Variants in TOX observed in about 807,000 individuals in gnomAD.
The protein encoded by TOX is thymocyte selection-associated high mobility group box protein TOX.
A neutral mutation model predicts 53.7 loss-of-function variants in TOX; 11 were observed. The ratio of observed to expected loss-of-function variants is 0.20; its 90% CI spans 0.13 to 0.34. The LOEUF (loss-of-function observed/expected upper bound fraction) is 0.34, where lower values mean the gene tolerates loss of function less well. Ranked by LOEUF, TOX falls within the 10% of genes least tolerant of loss-of-function variation. TOX has a pLI of 1.00. For synonymous variants in TOX, 225 were observed against 245.3 expected, an observed-to-expected ratio of 0.92 and a Z score of 0.77; for missense variants, 570 against 664.6, an observed-to-expected ratio of 0.86 and a Z score of 1.56.
intron 4 of TOX, among the ~76,000 whole-genome samples, chr8:58,843,034 T>G (rs1217026595): frequency 6.6e-6 from 1 of 152,216 alleles, no homozygotes; most frequent in African/African-American, 2.4e-5. Context: ...ATTGTATATC[T>G]GATTGAGTAC....
chr8:58,950,841 AG>A (rs1812610101), intron 2 of TOX, among the ~76,000 whole-genome samples: 1 of 152,112 alleles, frequency 6.6e-6, no homozygotes, highest in African/African-American at 2.4e-5. Context: ...GCGGTGGTGC[AG>A]GCATGGCAAA....
intron 1 of TOX, among the ~76,000 whole-genome samples, chr8:59,035,005 G>A (rs538166668): frequency 5.9e-5 from 9 of 152,234 alleles, no homozygotes; most frequent in South Asian, 4.2e-4. Context: ...GGGAGGAGAC[G>A]CTCTGGAGGT....
chr8:58,935,670 C>T (rs1164697031), intron 3 of TOX, among the ~76,000 whole-genome samples: 2 of 152,032 alleles, frequency 1.3e-5, no homozygotes, highest in East Asian at 1.9e-4. Flanking sequence ...GCACTGATGA[C>T]GTAAACTGTC....
At chr8:58,884,819 C>A (rs1298700586) in intron 3 of TOX, among the ~76,000 whole-genome samples, 1 of 152,222 alleles carries the variant, frequency 6.6e-6, no homozygotes, top group South Asian at 2.1e-4. Flanking sequence ...ATGCTCAGAA[C>A]TTTTATAGTC....
At chr8:58,826,491 C>T (rs900519426) in intron 6 of TOX, among the ~76,000 whole-genome samples, 3 of 152,102 alleles carry the variant, frequency 2.0e-5, no homozygotes, top group African/African-American at 7.2e-5. Flanking sequence ...TCAGTAAAGG[C>T]CAATGGCATG....
chr8:58,841,096 T>G (rs930727074), intron 4 of TOX, among the ~76,000 whole-genome samples: 2 of 152,242 alleles, frequency 1.3e-5, no homozygotes, highest in Non-Finnish European at 2.9e-5. Flanking sequence ...TTACTATTTG[T>G]GGGTGGATGG....
chr8:58,924,007 A>G (rs1366926132), intron 3 of TOX, among the ~76,000 whole-genome samples: 1 of 152,184 alleles, frequency 6.6e-6, no homozygotes, highest in African/African-American at 2.4e-5. Context: ...CAATTTTGGA[A>G]ACTTTTATAT....
chr8:58,849,765 C>A (rs1810778807), intron 4 of TOX, among the ~76,000 whole-genome samples: 1 of 152,168 alleles, frequency 6.6e-6, no homozygotes, highest in African/African-American at 2.4e-5. Flanking sequence ...AAAAATTGAT[C>A]TTTACTATGA....
At chr8:58,965,221 C>T (rs1812872286) in intron 1 of TOX, among the ~76,000 whole-genome samples, 1 of 152,120 alleles carries the variant, frequency 6.6e-6, no homozygotes, top group African/African-American at 2.4e-5. Context: ...TAAATGGCAT[C>T]AACCTAGGAT....
At chr8:58,877,222 G>T (rs1811300540) in intron 3 of TOX, among the ~76,000 whole-genome samples, 1 of 152,052 alleles carries the variant, frequency 6.6e-6, no homozygotes, top group Non-Finnish European at 1.5e-5. Flanking sequence ...TTATAACAGT[G>T]ATGTATCTAG....
intron 3 of TOX, among the ~76,000 whole-genome samples, chr8:58,904,600 A>G (rs1020941434): frequency 2.0e-5 from 3 of 152,018 alleles, no homozygotes; most frequent in Non-Finnish European, 2.9e-5. Flanking sequence ...TAATAGCTAT[A>G]CTCCAGTAAT....
At chr8:59,108,655 A>AAC (rs3084429) in intron 1 of TOX, among the ~76,000 whole-genome samples, 5,949 of 147,492 alleles carry the variant, frequency 0.04, 156 homozygotes, top group African/African-American at 0.072. Flanking sequence ...TCATAAAGGA[A>AAC]ACACACACAC....
chr8:58,944,402 A>C (rs1375191), intron 2 of TOX, among the ~76,000 whole-genome samples: 45,538 of 152,168 alleles, frequency 0.3, 7,183 homozygotes, highest in East Asian at 0.4. Context: ...TTACTATTTC[A>C]AGTCATTTTC....
intron 1 of TOX, among the ~76,000 whole-genome samples, chr8:59,103,716 G>A (rs1297709533): frequency 2.6e-5 from 4 of 152,072 alleles, no homozygotes; most frequent in African/African-American, 4.8e-5. Flanking sequence ...CTTCAAAAAC[G>A]CCAACAGAGA....
At chr8:58,820,640 C>T (rs1054303680) in intron 6 of TOX, among the ~76,000 whole-genome samples, 1 of 152,044 alleles carries the variant, frequency 6.6e-6, no homozygotes, top group African/African-American at 2.4e-5. Context: ...GCCAAGTCTG[C>T]GGGTTATATC....
At chr8:59,018,773 T>C (rs1225726720) in intron 1 of TOX, among the ~76,000 whole-genome samples, 1 of 152,140 alleles carries the variant, frequency 6.6e-6, no homozygotes, top group African/African-American at 2.4e-5. Context: ...AGCAATATAT[T>C]CATAGTTAAT....
At chr8:58,857,739 A>G (rs943885397) in intron 3 of TOX, among the ~76,000 whole-genome samples, 2 of 152,074 alleles carry the variant, frequency 1.3e-5, no homozygotes, top group Non-Finnish European at 2.9e-5. Context: ...ATATTTCAGC[A>G]TATGTTTTCA....
intron 1 of TOX, among the ~76,000 whole-genome samples, chr8:58,991,471 A>T (rs1181941789): frequency 6.6e-6 from 1 of 152,230 alleles, no homozygotes; most frequent in East Asian, 1.9e-4. Context: ...TCCAGGAGGA[A>T]ACTGTTACCT....
chr8:58,991,476 T>C (rs1813445642), intron 1 of TOX, among the ~76,000 whole-genome samples: 1 of 152,222 alleles, frequency 6.6e-6, no homozygotes, highest in African/African-American at 2.4e-5. Context: ...GAGGAAACTG[T>C]TACCTAGAAC....
Sources: gnomAD v4.1 joint callset for allele counts (sites outside exome capture counted in the v4.1 genomes callset) on GRCh38, gnomAD v4.1.1 for gene constraint, MANE v1.5 for transcripts, NCBI Gene and HGNC (gene_info 2026-07-23, HGNC 2026-07-21) for gene names.